CDH12: variants seen among roughly 807,000 people sequenced by gnomAD.
The protein encoded by CDH12 is cadherin-12.
CDH12 carries 41 observed loss-of-function variants against 74.1 expected under a neutral mutation model. The ratio of observed to expected loss-of-function variants is 0.55; its 90% CI spans 0.43 to 0.72. The LOEUF (loss-of-function observed/expected upper bound fraction) is 0.72, where lower values mean the gene tolerates loss of function less well. CDH12 is among the 30% of genes least tolerant of loss of function. The probability of loss-of-function intolerance (pLI) is 0.00; values close to 1 mark genes in which losing one functional copy is unlikely to be tolerated. For missense variants in CDH12, 945 were observed against 977.2 expected (o/e 0.97, Z 0.44); for synonymous variants, 399 against 355.0 (o/e 1.12, Z -1.39).
chr5:22,121,546 T>C (rs111384704), intron 4 of CDH12, among the ~76,000 whole-genome samples: 397 of 152,292 alleles, frequency 2.6e-3, no homozygotes, highest in African/African-American at 9.2e-3. Context: ...AACTTGTTAA[T>C]TTGCAAGTAG....
At chr5:22,391,448 CT>C (rs1022119110) in intron 3 of CDH12, among the ~76,000 whole-genome samples, 13 of 152,206 alleles carry the variant, frequency 8.5e-5, no homozygotes, top group African/African-American at 2.9e-4. Flanking sequence ...GGTTTACTAG[CT>C]TTTTTTAATG....
chr5:22,245,903 A>G (rs1752928605), intron 3 of CDH12, among the ~76,000 whole-genome samples: 1 of 152,160 alleles, frequency 6.6e-6, no homozygotes, highest in South Asian at 2.1e-4. Context: ...TTTTTGAATA[A>G]GAATGGTAGA....
At position 22,799,748 on chromosome 5, in the gene CDH12, C is replaced by T. The variant is rs544490071; in HGVS notation, c.-523+53310G>A. On this transcript the variant is annotated intron_variant, in intron 1 of 14. Coordinates refer to ENST00000382254, the MANE Select transcript of CDH12 (RefSeq NM_004061.5). ...ACTTATTGAACACTTTGAACACTCA[C>T]GTTAAGAAATATACACGTATACCTA... Among the ~76,000 whole-genome samples the T allele has an allele frequency of 2.6e-5, 4 of 152,220 alleles. No homozygotes were observed. The South Asian group carries it at 6.2e-4, about 24-fold the overall frequency.
chr5:21,769,212 A>AAT (rs1259724859), intron 11 of CDH12, among the ~76,000 whole-genome samples: 2 of 151,898 alleles, frequency 1.3e-5, no homozygotes, highest in African/African-American at 2.4e-5. Context: ...GTGCTCTTGA[A>AAT]ATATATATAT....
intron 1 of CDH12, among the ~76,000 whole-genome samples, chr5:22,594,629 G>T (rs989748577): frequency 2.0e-4 from 31 of 151,730 alleles, no homozygotes; most frequent in African/African-American, 7.5e-4. Context: ...GTTAACTCAA[G>T]TCTCTACAAA....
chr5:22,137,394 G>C (rs1278931179), intron 4 of CDH12, among the ~76,000 whole-genome samples: 2 of 151,948 alleles, frequency 1.3e-5, no homozygotes, highest in Non-Finnish European at 2.9e-5. Flanking sequence ...TTTTGGGATT[G>C]ATAGTCTCTC....
chr5:22,589,877 AT>A lies in CDH12; in HGVS notation c.-522-84514del, dbSNP rs558651409. Reference sequence around the variant, plus strand: ...ATCATTTTTTTGTAATGACTAACAAATTTATATCTAATGTAAGCCTCTCCTT... The same window carrying A: ...ATCATTTTTTTGTAATGACTAACAAATTATATCTAATGTAAGCCTCTCCTT... On this transcript the variant is annotated intron_variant, in intron 1 of 14. Coordinates refer to ENST00000382254, the MANE Select transcript of CDH12 (RefSeq NM_004061.5). Among the ~76,000 whole-genome samples, 27 of 152,258 alleles carry A rather than the reference AT, an allele frequency of 1.8e-4. 1 individual carries two copies. The South Asian group carries it at 5.4e-3, about 30-fold the overall frequency.
chr5:22,747,265 T>C (rs1745337337), intron 1 of CDH12, among the ~76,000 whole-genome samples: 1 of 152,068 alleles, frequency 6.6e-6, no homozygotes, highest in Non-Finnish European at 1.5e-5. Flanking sequence ...ATGATGGTAA[T>C]ATTCAAACAA....
chr5:22,169,231 T>G (rs1212373871), intron 4 of CDH12, among the ~76,000 whole-genome samples: 1 of 151,962 alleles, frequency 6.6e-6, no homozygotes, highest in Non-Finnish European at 1.5e-5. Context: ...TCTACTCATA[T>G]TTATATATGC....
intron 1 of CDH12, among the ~76,000 whole-genome samples, chr5:22,708,876 C>T (rs1490184242): frequency 6.6e-6 from 1 of 152,088 alleles, no homozygotes; most frequent in Admixed American, 6.6e-5. Context: ...GTGAAGCATC[C>T]ATGAGCGGGA....
At chr5:22,260,498 G>GTT (rs773918016) in intron 3 of CDH12, among the ~76,000 whole-genome samples, 49 of 152,066 alleles carry the variant, frequency 3.2e-4, no homozygotes, top group Non-Finnish European at 5.7e-4. Flanking sequence ...TCTTTTCTAT[G>GTT]TTTTAAATGA....
chr5:22,829,405 C>A (rs1391751027), intron 1 of CDH12, among the ~76,000 whole-genome samples: 2 of 152,124 alleles, frequency 1.3e-5, no homozygotes, highest in Non-Finnish European at 2.9e-5. Context: ...TCTGAGGTGG[C>A]TGTTATTTTA....
rs559017542 is a variant in CDH12, at chr5:21,999,733, A to G, written c.232-24348T>C. Among the ~76,000 whole-genome samples, 19 of 151,382 alleles carry G rather than the reference A, an allele frequency of 1.3e-4. No individual in the cohort carries two copies. In the South Asian group the frequency reaches 3.6e-3, roughly 29 times the overall value. ...CAAGGTTTTCCTCAAACAAGTATAT[A>G]TACTCAGCACTAGTGAAGTTTTATT... On this transcript the variant is annotated intron_variant, in intron 5 of 14. Transcript: ENST00000382254.
At chr5:22,799,576 C>T (rs775124418) in intron 1 of CDH12, among the ~76,000 whole-genome samples, 2 of 152,090 alleles carry the variant, frequency 1.3e-5, no homozygotes, top group African/African-American at 2.4e-5. Flanking sequence ...AGTGAGAGAA[C>T]TTTTATATGT....
intron 1 of CDH12, among the ~76,000 whole-genome samples, chr5:22,710,011 G>A (rs1257048519): frequency 6.6e-6 from 1 of 152,116 alleles, no homozygotes; most frequent in Admixed American, 6.6e-5. Flanking sequence ...CAAAGAAAAT[G>A]CAACAAAATA....
chr5:22,726,295 T>C (rs1229702211), intron 1 of CDH12, among the ~76,000 whole-genome samples: 2 of 151,820 alleles, frequency 1.3e-5, no homozygotes, highest in Admixed American at 6.6e-5. Flanking sequence ...AATTATATGT[T>C]ATATGGCCTT....
rs971143368 is a variant in CDH12 at position 22,254,822 on chromosome 5, G to T, written c.-332-42179C>A. Among the ~76,000 whole-genome samples, 7 of 151,778 alleles carry T rather than the reference G, an allele frequency of 4.6e-5. No homozygotes were observed. The East Asian group carries it at 1.3e-3, about 29-fold the overall frequency. ...ATATTTTGATACAAACATACCATGT[G>T]TAATGATTAAATTAGGACAACTGGG... On this transcript the variant is annotated intron_variant, in intron 3 of 14. Coordinates refer to ENST00000382254, the MANE Select transcript of CDH12 (RefSeq NM_004061.5).
intron 1 of CDH12, among the ~76,000 whole-genome samples, chr5:22,548,558 G>T (rs186192405): frequency 2.0e-5 from 3 of 152,134 alleles, no homozygotes; most frequent in Admixed American, 1.3e-4. Context: ...TGGTGAACTA[G>T]GCTGTTGAAG....
chr5:21,953,862 T>C (rs1755977845), intron 6 of CDH12, among the ~76,000 whole-genome samples: 1 of 152,040 alleles, frequency 6.6e-6, no homozygotes, highest in Non-Finnish European at 1.5e-5. Flanking sequence ...AGAAAAAAAA[T>C]TAGGCCTTAC....
Sources: allele counts gnomAD v4.1 joint callset (sites outside exome capture counted in the v4.1 genomes callset), GRCh38; gene constraint gnomAD v4.1.1; transcripts MANE v1.5; gene names NCBI Gene and HGNC (gene_info 2026-07-23, HGNC 2026-07-21).